CSMD1: variants seen among roughly 807,000 people sequenced by gnomAD.
CSMD1 encodes CUB and sushi domain-containing protein 1.
A neutral mutation model predicts 417.5 loss-of-function variants in CSMD1; 213 were observed. That is an observed-to-expected ratio of 0.51 (90% CI 0.46 to 0.57). The LOEUF (loss-of-function observed/expected upper bound fraction) is 0.57, where lower values mean the gene tolerates loss of function less well. Ranked by LOEUF, CSMD1 falls within the 20% of genes least tolerant of loss-of-function variation. The pLI, the probability that CSMD1 is intolerant of heterozygous loss-of-function variation, is 0.00. For synonymous variants in CSMD1, 2,862 were observed against 1,736.8 expected (o/e 1.65, Z -16.11); for missense variants, 6,923 against 4,529.7 (o/e 1.53, Z -15.17).
Position 4,696,951 on chromosome 8 carries a change from A to C in CSMD1, c.86-59393T>G, listed in dbSNP as rs142541139. 1.4e-4 allele frequency among the ~76,000 whole-genome samples: 22 copies of C among 152,300 alleles called. No homozygotes were observed. The East Asian group carries it at 3.7e-3, about 25-fold the overall frequency. ...CACTTTAGGAGGCCGAGCTGGGTAG[A>C]TCATGAGGTCAGCAGTTCAAGACCA... is the stretch of plus-strand genomic sequence containing the variant. On this transcript the variant is annotated intron_variant, in intron 1 of 69. Coordinates refer to ENST00000635120, the MANE Select transcript of CSMD1 (RefSeq NM_033225.6).
chr8:4,197,188 G>C (rs769200865), intron 3 of CSMD1, among the ~76,000 whole-genome samples: 3 of 152,240 alleles, frequency 2.0e-5, no homozygotes, highest in African/African-American at 7.2e-5. Flanking sequence ...GTGTATAAAA[G>C]TCCTAGCATT....
At chr8:4,102,251 T>C (rs1048156300) in intron 3 of CSMD1, among the ~76,000 whole-genome samples, 14 of 152,222 alleles carry the variant, frequency 9.2e-5, no homozygotes, top group African/African-American at 3.4e-4. Context: ...GTTTTGTTTT[T>C]AGATATGCTA....
intron 18 of CSMD1, among the ~76,000 whole-genome samples, chr8:3,372,262 G>C (rs1252925513): frequency 6.6e-6 from 1 of 152,114 alleles, no homozygotes; most frequent in African/African-American, 2.4e-5. Context: ...TTAGGACCAG[G>C]GCTCAAGCTA....
intron 2 of CSMD1, among the ~76,000 whole-genome samples, chr8:4,465,624 C>G (rs1800119852): frequency 6.6e-6 from 1 of 152,082 alleles, no homozygotes. Context: ...TAAGTTAAGG[C>G]CTCAGTAGAA....
intron 5 of CSMD1, among the ~76,000 whole-genome samples, chr8:3,885,997 G>A (rs1236948063): frequency 6.6e-6 from 1 of 151,298 alleles, no homozygotes; most frequent in Admixed American, 6.6e-5. Context: ...ATATATATAT[G>A]TGTACATATA....
chr8:3,581,082 A>G (rs1800363387), intron 9 of CSMD1, among the ~76,000 whole-genome samples: 1 of 152,180 alleles, frequency 6.6e-6, no homozygotes, highest in Admixed American at 6.5e-5. Context: ...GCAACTCAAA[A>G]TATTAACTCT....
At chr8:3,994,547 A>C (rs946457516) in intron 5 of CSMD1, among the ~76,000 whole-genome samples, 5 of 152,024 alleles carry the variant, frequency 3.3e-5, no homozygotes, top group Admixed American at 6.6e-5. Flanking sequence ...TATAAAGTGA[A>C]CTCAAAATGG....
Position 3,029,416 on chromosome 8 carries a change from C to G in CSMD1, c.7758G>C (p.Leu2586=), listed in dbSNP as rs1200285094. 1 of 1,611,994 alleles carries G rather than the reference C, an allele frequency of 6.2e-7. No individual in the cohort carries two copies. The highest frequency in any genetic ancestry group is 1.3e-5 in the African/African-American group (1 of 74,570). Residue 2586 remains leucine (L), a synonymous_variant, in exon 51 of 70, where the codon CTG becomes CTC. Coordinates refer to ENST00000635120, the MANE Select transcript of CSMD1 (RefSeq NM_033225.6). ...SLNEYGAQVL[L]SCSPGYYLEG... ...CTAAGTAGTAACCAGGACTGCAGCTCAGCAATACTTGAGCACCGTACTCAT... is the reference window on the plus strand; with the variant it reads ...CTAAGTAGTAACCAGGACTGCAGCTGAGCAATACTTGAGCACCGTACTCAT...
intron 20 of CSMD1, 78 bp from the exon 21 acceptor site, chr8:3,359,418 G>T: frequency 8.4e-6 from 7 of 834,386 alleles, no homozygotes; most frequent in Non-Finnish European, 1.0e-5. Flanking sequence ...AATAAAAAGT[G>T]CTATTACTAA....
intron 1 of CSMD1, among the ~76,000 whole-genome samples, chr8:4,791,314 T>G (rs1177236533): frequency 6.6e-6 from 1 of 152,206 alleles, no homozygotes; most frequent in African/African-American, 2.4e-5. Context: ...CAGGCTTTCT[T>G]ACTACTTCTT....
intron 18 of CSMD1, among the ~76,000 whole-genome samples, chr8:3,371,649 C>A (rs1350403983): frequency 6.6e-6 from 1 of 152,114 alleles, no homozygotes. Flanking sequence ...AAATAATATT[C>A]ACAAAAGAAT....
At chr8:3,918,081 C>T (rs1224543459) in intron 5 of CSMD1, among the ~76,000 whole-genome samples, 2 of 151,916 alleles carry the variant, frequency 1.3e-5, no homozygotes, top group African/African-American at 4.8e-5. Flanking sequence ...ACTTTTTCTT[C>T]CTCCACTCAT....
At chr8:4,058,021 T>C (rs1798787029) in intron 3 of CSMD1, among the ~76,000 whole-genome samples, 1 of 151,668 alleles carries the variant, frequency 6.6e-6, no homozygotes, top group African/African-American at 2.4e-5. Flanking sequence ...ATGTGGGCTC[T>C]TTTTTGGTTC....
intron 52 of CSMD1, among the ~76,000 whole-genome samples, chr8:3,004,159 A>T (rs946205567): frequency 6.6e-6 from 1 of 152,326 alleles, no homozygotes; most frequent in South Asian, 2.1e-4. Context: ...ATCTAGTGAT[A>T]ATAAAATACT....
At chr8:3,132,121 C>T (rs1289356575) in intron 41 of CSMD1, among the ~76,000 whole-genome samples, 1 of 152,188 alleles carries the variant, frequency 6.6e-6, no homozygotes, top group Admixed American at 6.5e-5. Flanking sequence ...CAGGGAAAGC[C>T]TGCTCAGTGT....
chr8:4,400,498 G>A (rs1414458232), intron 3 of CSMD1, among the ~76,000 whole-genome samples: 3 of 152,146 alleles, frequency 2.0e-5, no homozygotes, highest in Non-Finnish European at 2.9e-5. Context: ...GCAACATCAC[G>A]AGTTCTAAAA....
intron 12 of CSMD1, among the ~76,000 whole-genome samples, chr8:3,450,876 T>C (rs1039364900): frequency 1.3e-5 from 2 of 151,850 alleles, no homozygotes; most frequent in African/African-American, 4.8e-5. Flanking sequence ...TCTAGATCCC[T>C]GAGGAATCGC....
intron 3 of CSMD1, among the ~76,000 whole-genome samples, chr8:4,141,842 A>T (rs770330967): frequency 6.0e-5 from 9 of 151,090 alleles, no homozygotes; most frequent in Non-Finnish European, 8.8e-5. Context: ...ATTTATCGTG[A>T]CTAACAGTAC....
chr8:4,157,453 C>G (rs561057346), intron 3 of CSMD1, among the ~76,000 whole-genome samples: 115 of 152,020 alleles, frequency 7.6e-4, no homozygotes, highest in Admixed American at 1.2e-3. Context: ...ACCTCCTTCC[C>G]TCCCTCCTTC....
Sources: gnomAD v4.1 joint callset for allele counts (sites outside exome capture counted in the v4.1 genomes callset) on GRCh38, gnomAD v4.1.1 for gene constraint, MANE v1.5 for transcripts, NCBI Gene and HGNC (gene_info 2026-07-23, HGNC 2026-07-21) for gene names.